RELL1: variants seen among roughly 807,000 people sequenced by gnomAD.
The protein encoded by RELL1 is RELT like 1.
A neutral mutation model predicts 23.0 loss-of-function variants in RELL1; 10 were observed. That is an observed-to-expected ratio of 0.43 (90% confidence interval 0.27 to 0.74). The LOEUF is 0.74. Ranked by LOEUF, RELL1 falls within the 30% of genes least tolerant of loss-of-function variation. The pLI, the probability that RELL1 is intolerant of heterozygous loss-of-function variation, is 0.19. For synonymous variants in RELL1, 146 were observed against 146.8 expected (o/e 0.99, Z 0.04); for missense variants, 315 against 364.4 (o/e 0.86, Z 1.10).
At chr4:37,601,187 G>C (rs915955482) in intron 6 of RELL1, among the ~76,000 whole-genome samples, 5 of 152,162 alleles carry the variant, frequency 3.3e-5, no homozygotes, top group African/African-American at 1.2e-4. Context: ...CTTGTACCTG[G>C]TTCCGCCCCC....
At chr4:37,684,900 C>A (rs1393651074) in intron 1 of RELL1, among the ~76,000 whole-genome samples, 3 of 152,102 alleles carry the variant, frequency 2.0e-5, no homozygotes, top group African/African-American at 7.2e-5. Flanking sequence ...TTGCAGTGAG[C>A]CGAGGTTGTG....
chr4:37,621,574 A>C (rs1019733476), intron 6 of RELL1, among the ~76,000 whole-genome samples: 2 of 152,094 alleles, frequency 1.3e-5, no homozygotes, highest in Non-Finnish European at 2.9e-5. Context: ...AAAGCCTTTC[A>C]TTTTCCGCTT....
intron 1 of RELL1, among the ~76,000 whole-genome samples, chr4:37,677,850 T>TA (rs1169014071): frequency 1.3e-5 from 2 of 152,092 alleles, no homozygotes; most frequent in African/African-American, 4.8e-5. Flanking sequence ...CAGGTGCCTG[T>TA]AATCCCAGCT....
chr4:37,592,903 GAAGT>G (rs2109472039), intron 6 of RELL1, among the ~76,000 whole-genome samples: 1 of 152,314 alleles, frequency 6.6e-6, no homozygotes, highest in East Asian at 1.9e-4. Context: ...CTAAAACTGG[GAAGT>G]ATGTATAATG....
chr4:37,638,352 A>G, intron 4 of RELL1, 95 bp downstream of exon 4: 1 of 962,016 alleles, frequency 1.0e-6, no homozygotes, highest in Non-Finnish European at 1.6e-6. Flanking sequence ...TAAAGCTGGG[A>G]AACCTGCTCT....
At chr4:37,672,382 G>T (rs1220533605) in intron 1 of RELL1, among the ~76,000 whole-genome samples, 1 of 151,948 alleles carries the variant, frequency 6.6e-6, no homozygotes, top group Non-Finnish European at 1.5e-5. Flanking sequence ...AATCCCAAGG[G>T]TTATTTTTAG....
chr4:37,623,937 TAAAC>T (rs1719853443), intron 6 of RELL1, among the ~76,000 whole-genome samples: 1 of 152,020 alleles, frequency 6.6e-6, no homozygotes, highest in South Asian at 2.1e-4. Context: ...GAGAAAAAAA[TAAAC>T]TAACTAGTAG....
In RELL1 at chr4:37,642,475, C is replaced by T. The variant is rs375469206; in HGVS notation, c.386-3971G>A. 5.7e-4 allele frequency among the ~76,000 whole-genome samples: 87 copies of T among 152,298 alleles called. 2 individuals carry two copies. The South Asian group carries it at 0.016, about 28-fold the overall frequency. On this transcript the variant is annotated intron_variant, in intron 3 of 6. Transcript: ENST00000454158. ...AAAGATGAATTAAAAGCTAGCACTG[C>T]CGTACATCCAACCCTTTGGATTAGG...
In RELL1 at chr4:37,686,361, G is replaced by A. The variant is rs528999720; in HGVS notation, c.-74C>T. 18 of 1,222,974 alleles carry A rather than the reference G, an allele frequency of 1.5e-5. No individual in the cohort carries two copies. Among genetic ancestry groups the A allele is most frequent in the Admixed American group, 3.4e-5 (1 of 29,278 alleles). The allele number at this position is 1,222,974 out of a possible 1,614,324, so 75.8% of individuals were successfully genotyped here. Reference sequence around the variant, plus strand: ...GGGAAGGCAGAGCCGCTCCGGAGCCGGCGGGCTGATCGAGTGGCTGGGCTG... The same window carrying A: ...GGGAAGGCAGAGCCGCTCCGGAGCCAGCGGGCTGATCGAGTGGCTGGGCTG... On this transcript the variant is annotated 5_prime_UTR_variant, in exon 1 of 7. Transcript: ENST00000454158.
chr4:37,638,719 C>T (rs1276697477), intron 3 of RELL1, among the ~76,000 whole-genome samples: 2 of 152,068 alleles, frequency 1.3e-5, no homozygotes, highest in African/African-American at 4.8e-5. Flanking sequence ...GTAAGAATGA[C>T]AAAGAATCTA....
At chr4:37,654,031 T>C (rs188226991) in intron 1 of RELL1, among the ~76,000 whole-genome samples, 1 of 152,214 alleles carries the variant, frequency 6.6e-6, no homozygotes, top group African/African-American at 2.4e-5. Context: ...TTATTTGTCA[T>C]ACAGCAATAG....
intron 6 of RELL1, among the ~76,000 whole-genome samples, chr4:37,595,522 G>C (rs947813352): frequency 6.6e-6 from 1 of 151,472 alleles, no homozygotes; most frequent in Admixed American, 6.6e-5. Context: ...ATCTTTTCCC[G>C]GTCTGGTTGG....
Position 37,610,724 on chromosome 4 carries a change from G to A in RELL1, c.*2622C>T, listed in dbSNP as rs1046932208. Among the ~76,000 whole-genome samples the A allele has an allele frequency of 6.6e-5, 10 of 152,134 alleles. No homozygotes were observed. Among genetic ancestry groups the A allele is most frequent in the Non-Finnish European group, 1.2e-4 (8 of 68,014 alleles). On this transcript the variant is annotated 3_prime_UTR_variant, in exon 7 of 7. Transcript: ENST00000454158. The surrounding 1 kb of genome is among the most constrained non-coding windows in gnomAD (Gnocchi z 4.1). The stretch of plus-strand genomic sequence containing the variant: ...ACAGTTAAAAATACACTTGACACTC[G>A]AAATGGTGAAAATTTTCCTTACAAA...
chr4:37,591,038 G>C (rs536702365), exon 7 of RELL1: 3 of 1,544,242 alleles, frequency 1.9e-6, no homozygotes, highest in Admixed American at 3.7e-5. Flanking sequence ...CTGGTGTCAT[G>C]CTGAGCATGC....
chr4:37,636,594 CAA>C (rs11318273), intron 4 of RELL1, among the ~76,000 whole-genome samples: 58 of 86,760 alleles, frequency 6.7e-4, no homozygotes, highest in South Asian at 4.0e-3. Flanking sequence ...GACTCTGTCT[CAA>C]AAAAAAAAAA....
chr4:37,681,309 C>T (rs1577614260), intron 1 of RELL1, among the ~76,000 whole-genome samples: 5 of 152,110 alleles, frequency 3.3e-5, no homozygotes, highest in Admixed American at 2.6e-4. Flanking sequence ...AATGCGCACT[C>T]TGGAGAAAAA....
intron 3 of RELL1, among the ~76,000 whole-genome samples, chr4:37,642,587 G>A (rs1007159171): frequency 3.3e-5 from 5 of 152,220 alleles, no homozygotes; most frequent in African/African-American, 1.2e-4. Context: ...TAAAGGCCTT[G>A]GAATTTCCTG....
intron 3 of RELL1, 104 bp from the exon 4 acceptor site, chr4:37,638,608 C>A (rs894066808): frequency 1.1e-6 from 1 of 876,772 alleles, no homozygotes; most frequent in South Asian, 1.8e-5. Flanking sequence ...TCTTTCAGTT[C>A]ATAGATGAAG....
Position 37,642,427 on chromosome 4 carries a change from C to T in RELL1, c.386-3923G>A, listed in dbSNP as rs894272684. Among the ~76,000 whole-genome samples, 6 of 152,178 alleles carry T rather than the reference C, an allele frequency of 3.9e-5. No individual in the cohort carries two copies. The East Asian group carries it at 9.6e-4, about 24-fold the overall frequency. On this transcript the variant is annotated intron_variant, in intron 3 of 6. Transcript: ENST00000454158. The stretch of plus-strand genomic sequence containing the variant: ...GAAAACTCCAGCGACTACCCAGACA[C>T]GATTCAGTTCGGCTCTATTTAGAAA...
Sources: allele counts gnomAD v4.1 joint callset (sites outside exome capture counted in the v4.1 genomes callset), GRCh38; gene constraint gnomAD v4.1.1; non-coding constraint Gnocchi (gnomAD v3.1); transcripts MANE v1.5; gene names NCBI Gene and HGNC (gene_info 2026-07-23, HGNC 2026-07-21).